PARD3B: variants seen among roughly 807,000 people sequenced by gnomAD.
The protein encoded by PARD3B is par-3 family cell polarity regulator beta.
Under a neutral mutation model 130.2 loss-of-function variants are expected in PARD3B, and 103 were observed. The ratio of observed to expected loss-of-function variants is 0.79; its 90% CI spans 0.67 to 0.93. The LOEUF is 0.93. Ranked by LOEUF, PARD3B falls within the 40% of genes least tolerant of loss-of-function variation. PARD3B has a pLI of 0.00. For missense variants in PARD3B, 1,609 were observed against 1,499.2 expected, an observed-to-expected ratio of 1.07 and a Z score of -1.21; for synonymous variants, 583 against 553.2, an observed-to-expected ratio of 1.05 and a Z score of -0.76.
rs542270143 is a variant in PARD3B at position 204,777,335 on chromosome 2, A to G, written c.222+91053A>G. On this transcript the variant is annotated intron_variant, in intron 2 of 22. Transcript: ENST00000406610. ...CCAGTCCTCCTGATTTCAGGCCAAT[A>G]ATCTTTCTGCTACACTACTTTAATG... Among the ~76,000 whole-genome samples the G allele has an allele frequency of 2.0e-5, 3 of 152,318 alleles. No homozygotes were observed. In the East Asian group the frequency reaches 5.8e-4, roughly 29 times the overall value.
chr2:204,979,203 C>T lies in PARD3B; in HGVS notation c.394+13880C>T, dbSNP rs767385166. Reference sequence around the variant, plus strand: ...CCTAGGCGACAGAGCGAGACTCTGTCTCAAAAAAAAAAAAAATCACTGGAA... The same window carrying T: ...CCTAGGCGACAGAGCGAGACTCTGTTTCAAAAAAAAAAAAAATCACTGGAA... On this transcript the variant is annotated intron_variant, in intron 3 of 22. Coordinates refer to ENST00000406610, the MANE Select transcript of PARD3B (RefSeq NM_001302769.2). Among the ~76,000 whole-genome samples, 18 of 143,324 alleles carry T rather than the reference C, an allele frequency of 1.3e-4. No individual in the cohort carries two copies. In the South Asian group the frequency reaches 1.6e-3, roughly 13 times the overall value. The allele number at this position is 143,324 out of a possible 152,430, so 94.0% of individuals were successfully genotyped here.
chr2:204,801,092 C>G (rs1326892095), intron 2 of PARD3B, among the ~76,000 whole-genome samples: 1 of 152,080 alleles, frequency 6.6e-6, no homozygotes, highest in Non-Finnish European at 1.5e-5. Context: ...GGTACCAGTA[C>G]CATGCTGTTT....
intron 2 of PARD3B, among the ~76,000 whole-genome samples, chr2:204,733,342 T>C (rs543288152): frequency 1.2e-4 from 18 of 152,208 alleles, no homozygotes; most frequent in Non-Finnish European, 2.2e-4. Context: ...CCCAGCATTG[T>C]TGAGAGAAGT....
chr2:205,157,927 A>G (rs2034278777), intron 10 of PARD3B, among the ~76,000 whole-genome samples: 1 of 152,192 alleles, frequency 6.6e-6, no homozygotes, highest in African/African-American at 2.4e-5. Flanking sequence ...TTCTCCCTGG[A>G]GACCTGAACC....
At chr2:205,336,567 T>G (rs2160455) in intron 18 of PARD3B, among the ~76,000 whole-genome samples, 90,419 of 152,146 alleles carry the variant, frequency 0.59, 30,563 homozygotes, top group South Asian at 0.77. Context: ...AGATCTTCTT[T>G]CTGGCTTCCA....
chr2:205,397,176 A>T lies in PARD3B; in HGVS notation c.2631-3837A>T, dbSNP rs1465498629. On this transcript the variant is annotated intron_variant, in intron 18 of 22. Coordinates refer to ENST00000406610, the MANE Select transcript of PARD3B (RefSeq NM_001302769.2). This position sits in a 1 kb window ranked among gnomAD's most constrained non-coding sequence, Gnocchi z 4.8. ...GGGAGTTTTTGTTTTTGTTTTTAAG[A>T]TTATTGTTTTATAATGCTTTTCTTG... Among the ~76,000 whole-genome samples the T allele has an allele frequency of 3.3e-5, 5 of 152,278 alleles. No homozygotes were observed. In the South Asian group the frequency reaches 8.3e-4, roughly 25 times the overall value.
At chr2:205,137,763 C>G (rs561504360) in intron 10 of PARD3B, among the ~76,000 whole-genome samples, 1 of 152,186 alleles carries the variant, frequency 6.6e-6, no homozygotes, top group Non-Finnish European at 1.5e-5. Context: ...GGGTGGGACA[C>G]CATGGTCCTC....
intron 2 of PARD3B, among the ~76,000 whole-genome samples, chr2:204,859,444 A>G (rs2045095304): frequency 6.6e-6 from 1 of 152,048 alleles, no homozygotes. Flanking sequence ...CAATAAGAGC[A>G]CCCTCCCCCA....
At chr2:204,958,514 G>A (rs1690467948) in intron 2 of PARD3B, among the ~76,000 whole-genome samples, 1 of 152,226 alleles carries the variant, frequency 6.6e-6, no homozygotes, top group East Asian at 1.9e-4. Flanking sequence ...CCTATTGGTT[G>A]TGTTTGATCT....
intron 3 of PARD3B, among the ~76,000 whole-genome samples, chr2:204,994,191 T>C (rs1575504569): frequency 1.4e-5 from 2 of 138,342 alleles, no homozygotes; most frequent in East Asian, 4.1e-4. Context: ...ATTTTGGATC[T>C]TTCCTGCTTT....
intron 3 of PARD3B, among the ~76,000 whole-genome samples, chr2:204,994,907 G>A (rs1362830085): frequency 6.6e-6 from 1 of 151,648 alleles, no homozygotes; most frequent in South Asian, 2.1e-4. Flanking sequence ...TGCAACCCCT[G>A]CCTTTTTTTG....
At chr2:204,735,516 CA>C (rs2039706879) in intron 2 of PARD3B, among the ~76,000 whole-genome samples, 1 of 152,026 alleles carries the variant, frequency 6.6e-6, no homozygotes, top group African/African-American at 2.4e-5. Context: ...CTGGACTCTT[CA>C]AAAAGTTATG....
chr2:204,833,623 G>T (rs915061525), intron 2 of PARD3B, among the ~76,000 whole-genome samples: 7 of 152,038 alleles, frequency 4.6e-5, no homozygotes, highest in African/African-American at 1.7e-4. Context: ...AGTCTCAAGA[G>T]ATCTGATGGT....
At chr2:205,045,321 T>G (rs1698698174) in intron 3 of PARD3B, among the ~76,000 whole-genome samples, 1 of 151,538 alleles carries the variant, frequency 6.6e-6, no homozygotes, top group South Asian at 2.1e-4. Context: ...CTATCTGGGC[T>G]CACTGCAACC....
At chr2:204,745,465 C>T (rs1180604574) in intron 2 of PARD3B, among the ~76,000 whole-genome samples, 8 of 150,984 alleles carry the variant, frequency 5.3e-5, no homozygotes, top group Middle Eastern at 3.4e-3. Flanking sequence ...TGCAACTGTG[C>T]GATCTCGGCT....
At chr2:204,680,827 A>G (rs773384603) in intron 1 of PARD3B, among the ~76,000 whole-genome samples, 15 of 152,064 alleles carry the variant, frequency 9.9e-5, no homozygotes, top group Non-Finnish European at 1.6e-4. Context: ...TTCTACTGTG[A>G]TAAGAGAACA....
At chr2:205,493,113 C>T (rs959294718) in intron 20 of PARD3B, among the ~76,000 whole-genome samples, 3 of 151,984 alleles carry the variant, frequency 2.0e-5, no homozygotes, top group African/African-American at 4.8e-5. Context: ...GCAAAATAAG[C>T]GTGCATATAG....
chr2:204,647,078 T>A (rs2035300721), intron 1 of PARD3B, among the ~76,000 whole-genome samples: 1 of 151,952 alleles, frequency 6.6e-6, no homozygotes, highest in African/African-American at 2.4e-5. Context: ...CATCGTAAAG[T>A]CGAAGAGTTT....
chr2:204,617,578 T>G, intron 1 of PARD3B, among the ~76,000 whole-genome samples: 1 of 152,108 alleles, frequency 6.6e-6, no homozygotes, highest in East Asian at 1.9e-4. Flanking sequence ...ACTTTTAGTT[T>G]AGGTTCAAGG....
Sources: allele counts gnomAD v4.1 joint callset (sites outside exome capture counted in the v4.1 genomes callset), GRCh38; gene constraint gnomAD v4.1.1; non-coding constraint Gnocchi (gnomAD v3.1); transcripts MANE v1.5; gene names NCBI Gene and HGNC (gene_info 2026-07-23, HGNC 2026-07-21).